Variants in WASHC5 observed in about 807,000 individuals in gnomAD.
WASHC5 encodes the protein WASH complex subunit 5, also known as WASH complex subunit strumpellin.
A neutral mutation model predicts 150.4 loss-of-function variants in WASHC5; 101 were observed. The ratio of observed to expected loss-of-function variants is 0.67; its 90% CI spans 0.57 to 0.79. WASHC5 has a LOEUF of 0.79. Ranked by LOEUF, WASHC5 falls within the 30% of genes least tolerant of loss-of-function variation. WASHC5 has a pLI of 0.00. For synonymous variants in WASHC5, 467 were observed against 491.2 expected, an observed-to-expected ratio of 0.95 and a Z score of 0.65; for missense variants, 1,195 against 1,396.3, an observed-to-expected ratio of 0.86 and a Z score of 2.30.
At chr8:125,077,092 T>C (rs1817085773) in intron 6 of WASHC5, among the ~76,000 whole-genome samples, 1 of 152,230 alleles carries the variant, frequency 6.6e-6, no homozygotes, top group African/African-American at 2.4e-5. Context: ...TAAATGTTGG[T>C]GTTCCCCAGG....
intron 1 of WASHC5, among the ~76,000 whole-genome samples, chr8:125,087,620 T>C (rs2130239189): frequency 6.7e-6 from 1 of 150,238 alleles, no homozygotes; most frequent in Non-Finnish European, 1.5e-5. Flanking sequence ...GTAGTCCCAG[T>C]GACAAGGGAG....
At chr8:125,073,108 T>G in intron 9 of WASHC5, 45 bp downstream of exon 9, 2 of 1,590,536 alleles carry the variant, frequency 1.3e-6, no homozygotes, top group Non-Finnish European at 1.7e-6. Context: ...ATTCTGAGAG[T>G]CTTTATGTGG....
chr8:125,091,063 C>T (rs1817611168), intron 1 of WASHC5, among the ~76,000 whole-genome samples: 2 of 151,950 alleles, frequency 1.3e-5, no homozygotes, highest in African/African-American at 4.8e-5. Flanking sequence ...GGCTCTGTGA[C>T]TTTTTTTCTT....
rs74784623 is a variant in WASHC5 at position 125,036,112 on chromosome 8, A to T, written c.3181+1125T>A. Among the ~76,000 whole-genome samples, 224 of 152,380 alleles carry T rather than the reference A, an allele frequency of 1.5e-3. 2 individuals carry two copies. The East Asian group carries it at 0.03, about 21-fold the overall frequency. ...GTTTGTACAGAATATTCTGACATAC[A>T]ATCATACATAAAGTATTAAATGTTC... On this transcript the variant is annotated intron_variant, in intron 26 of 28. Coordinates refer to ENST00000318410, the MANE Select transcript of WASHC5 (RefSeq NM_014846.4).
At chr8:125,081,819 A>G in intron 4 of WASHC5, 58 bp from the exon 5 acceptor site, 1 of 999,016 alleles carries the variant, frequency 1.0e-6, no homozygotes, top group Non-Finnish European at 1.6e-6. Flanking sequence ...TTAGGGAGTA[A>G]AGTCGGTAAT....
rs758391206 is a variant in WASHC5 at position 125,083,712 on chromosome 8, C to G, written c.186+1G>C. 4.4e-6 allele frequency: 7 copies of G among 1,607,706 alleles called. No homozygotes were observed. Among genetic ancestry groups the G allele is most frequent in the Non-Finnish European group, 6.0e-6 (7 of 1,175,052 alleles). ...ATAAAAATGCTATAGAGGAAGATTA[C>G]CTTAAAATAGCTGAAATCAAATATG... On this transcript the variant is annotated splice_donor_variant, in intron 2 of 28. Coordinates refer to ENST00000318410, the MANE Select transcript of WASHC5 (RefSeq NM_014846.4). LOFTEE classifies it high-confidence loss of function.
At chr8:125,038,730 G>T in intron 25 of WASHC5, 100 bp downstream of exon 25, 2 of 1,432,732 alleles carry the variant, frequency 1.4e-6, no homozygotes, top group Non-Finnish European at 2.0e-6. Flanking sequence ...TCTGGGGTCT[G>T]AACCCAGGTT....
intron 6 of WASHC5, 89 bp from the exon 7 acceptor site, chr8:125,076,589 A>G (rs1817069446): frequency 6.6e-7 from 1 of 1,505,260 alleles, no homozygotes; most frequent in South Asian, 1.2e-5. Context: ...TGTAAGACAC[A>G]TCAGTTTTTC....
At chr8:125,034,942 G>C (rs1815654860) in intron 26 of WASHC5, among the ~76,000 whole-genome samples, 1 of 152,190 alleles carries the variant, frequency 6.6e-6, no homozygotes, top group African/African-American at 2.4e-5. Flanking sequence ...CCAATGCTGA[G>C]AACGGTGTTT....
chr8:125,048,938 T>G (rs1176292490), intron 19 of WASHC5, 68 bp downstream of exon 19: 1 of 1,278,114 alleles, frequency 7.8e-7, no homozygotes, highest in Non-Finnish European at 1.1e-6. Context: ...ATTTCTGAGG[T>G]TTGGGATGTG....
chr8:125,073,230 T>C lies in WASHC5; in HGVS notation c.1073A>G (p.Asn358Ser). ...GYLREEMVLDNIPKLLNCLRD... is the reference protein window; with the variant it reads ...GYLREEMVLDSIPKLLNCLRD... ...CAGGCAGTTCAGAAGCTTTGGGATA[T>C]TGTCCAGAACCATCTCCTCCCTTAA... The change falls in exon 9 of 29, where the codon AAT becomes AGT. Residue 358 changes from asparagine to serine, a missense_variant. Transcript: ENST00000318410. 6.2e-7 allele frequency: 1 copy of C among 1,614,158 alleles called. No individual in the cohort carries two copies. The highest frequency in any genetic ancestry group is 8.5e-7 in the Non-Finnish European group (1 of 1,179,988).
Position 125,052,292 on chromosome 8 carries a change from G to C in WASHC5, c.2098-1627C>G, listed in dbSNP as rs1486361575. On this transcript the variant is annotated intron_variant, in intron 17 of 28. Coordinates refer to ENST00000318410, the MANE Select transcript of WASHC5 (RefSeq NM_014846.4). ...GCTTTCGTGAATCTAAAGATCGCAT[G>C]CGGCTCTTCTAATCCTTCCCGCATT... Among the ~76,000 whole-genome samples the C allele has an allele frequency of 2.0e-5, 3 of 152,166 alleles. No individual in the cohort carries two copies. The South Asian group carries it at 6.2e-4, about 32-fold the overall frequency.
intron 24 of WASHC5, 104 bp from the exon 25 acceptor site, chr8:125,039,063 A>C: frequency 7.9e-7 from 1 of 1,262,452 alleles, no homozygotes; most frequent in African/African-American, 1.5e-5. Flanking sequence ...CAGTTTCCTC[A>C]TCTGTAAAAT....
intron 19 of WASHC5, among the ~76,000 whole-genome samples, chr8:125,048,393 A>G (rs1160071539): frequency 6.6e-6 from 1 of 152,188 alleles, no homozygotes; most frequent in Non-Finnish European, 1.5e-5. Context: ...TAGGCAAAGG[A>G]CTTTTATGCA....
intron 1 of WASHC5, among the ~76,000 whole-genome samples, chr8:125,085,813 G>T (rs1298566482): frequency 6.6e-6 from 1 of 152,160 alleles, no homozygotes; most frequent in Non-Finnish European, 1.5e-5. Flanking sequence ...TAACTCCTCG[G>T]ACTTGATGAG....
rs773708198 is a variant in WASHC5, at chr8:125,059,356, T to C, written c.1688+20A>G. 1.2e-6 allele frequency: 2 copies of C among 1,614,102 alleles called. No homozygotes were observed. The highest frequency in any genetic ancestry group is 1.7e-6 in the Non-Finnish European group (2 of 1,179,976). On this transcript the variant is annotated intron_variant, in intron 13 of 28. Coordinates refer to ENST00000318410, the MANE Select transcript of WASHC5 (RefSeq NM_014846.4). ...CCTAGGGCCTTTCATCTACAGCAAA[T>C]GTCAGGCTGCCTACATTACCTGTCA...
At chr8:125,057,108 G>A (rs1458460361) in intron 15 of WASHC5, among the ~76,000 whole-genome samples, 1 of 152,156 alleles carries the variant, frequency 6.6e-6, no homozygotes, top group Non-Finnish European at 1.5e-5. Flanking sequence ...TAGAGGACTG[G>A]CTAGAATGCG....
intron 27 of WASHC5, 117 bp from the exon 28 acceptor site, chr8:125,028,824 A>G (rs1815445256): frequency 1.4e-6 from 1 of 737,500 alleles, no homozygotes; most frequent in African/African-American, 1.7e-5. Flanking sequence ...AAGATGAACA[A>G]AAACATTGAG....
At chr8:125,043,740 G>A in intron 23 of WASHC5, 85 bp downstream of exon 23, 1 of 905,172 alleles carries the variant, frequency 1.1e-6, no homozygotes, top group South Asian at 1.5e-5. Flanking sequence ...AAGAAGAGTA[G>A]CTTTTTTTGG....
Sources: gnomAD v4.1 joint callset for allele counts (sites outside exome capture counted in the v4.1 genomes callset) on GRCh38, gnomAD v4.1.1 for gene constraint, MANE v1.5 for transcripts, NCBI Gene and HGNC (gene_info 2026-07-23, HGNC 2026-07-21) for gene names.